CFAP20DC: variants seen among roughly 807,000 people sequenced by gnomAD.
CFAP20DC encodes protein CFAP20DC.
In CFAP20DC, 84 loss-of-function variants were observed where a neutral mutation model predicts 101.7. That is an observed-to-expected ratio of 0.83 (90% confidence interval 0.69 to 0.99). The LOEUF (loss-of-function observed/expected upper bound fraction) is 0.99. CFAP20DC is among the 50% of genes least tolerant of loss of function. The probability of loss-of-function intolerance (pLI) is 0.00; values close to 1 mark genes in which losing one functional copy is unlikely to be tolerated. For missense variants in CFAP20DC, 1,007 were observed against 970.3 expected (o/e 1.04, Z -0.50); for synonymous variants, 359 against 351.2 (o/e 1.02, Z -0.25).
chr3:58,783,124 A>G (rs2071992061), intron 15 of CFAP20DC, among the ~76,000 whole-genome samples: 1 of 152,066 alleles, frequency 6.6e-6, no homozygotes, highest in African/African-American at 2.4e-5. Flanking sequence ...AAATAAATCC[A>G]TATATTTAAT....
chr3:58,832,329 G>T (rs1002172520), intron 13 of CFAP20DC, among the ~76,000 whole-genome samples: 1 of 152,188 alleles, frequency 6.6e-6, no homozygotes, highest in African/African-American at 2.4e-5. Flanking sequence ...TGTTTCTGGA[G>T]TTGGCAGGTT....
chr3:58,814,526 G>A (rs795417), intron 14 of CFAP20DC, among the ~76,000 whole-genome samples: 7 of 151,272 alleles, frequency 4.6e-5, no homozygotes, highest in East Asian at 1.9e-4. Flanking sequence ...GCAGGAGAAG[G>A]AAATAAAGGG....
intron 3 of CFAP20DC, among the ~76,000 whole-genome samples, chr3:58,735,279 G>A (rs926332183): frequency 3.9e-5 from 6 of 152,178 alleles, no homozygotes; most frequent in East Asian, 1.9e-4. Flanking sequence ...ACCTGGGAAC[G>A]AAAATGAGTT....
chr3:58,724,099 C>T lies in CFAP20DC; in HGVS notation c.198-6471G>A, dbSNP rs1356102661. ...CCCTTTGAAAGGAGGGTGCTCCATG[C>T]TGTGGAGGGGCCTGGGGAATTCTCA... is the stretch of plus-strand genomic sequence containing the variant. On this transcript the variant is annotated intron_variant, in intron 3 of 3. Transcript: ENST00000486145. This position sits in a 1 kb window ranked among gnomAD's most constrained non-coding sequence, Gnocchi z 5.6. Among the ~76,000 whole-genome samples, 1 of 152,146 alleles carries T rather than the reference C, an allele frequency of 6.6e-6. No individual in the cohort carries two copies. The highest frequency in any genetic ancestry group is 1.5e-5 in the Non-Finnish European group (1 of 68,040).
intron 4 of CFAP20DC, among the ~76,000 whole-genome samples, chr3:58,944,884 A>G (rs1293720225): frequency 6.6e-6 from 1 of 152,182 alleles, no homozygotes; most frequent in East Asian, 1.9e-4. Flanking sequence ...AAATGTGTTA[A>G]TTCGTGTAAA....
intron 14 of CFAP20DC, among the ~76,000 whole-genome samples, chr3:58,821,355 G>T (rs1367087833): frequency 1.3e-5 from 2 of 151,856 alleles, no homozygotes; most frequent in African/African-American, 4.8e-5. Flanking sequence ...GAGTGAACAG[G>T]CAACCTACAA....
chr3:58,808,999 C>A (rs1298934751), intron 14 of CFAP20DC, among the ~76,000 whole-genome samples: 4 of 151,904 alleles, frequency 2.6e-5, no homozygotes, highest in Non-Finnish European at 5.9e-5. Flanking sequence ...GGGATGAATT[C>A]AACAAGAAGA....
At chr3:58,726,922 G>A (rs545431126) in intron 3 of CFAP20DC, 3 of 231,866 alleles carry the variant, frequency 1.3e-5, no homozygotes, top group South Asian at 3.9e-5. Context: ...AGATGAGAGC[G>A]ACCCATCCCT....
Position 58,817,869 on chromosome 3 carries a change from A to C in CFAP20DC, c.2176-11413T>G, listed in dbSNP as rs572943586. Among the ~76,000 whole-genome samples, 262 of 151,356 alleles carry C rather than the reference A, an allele frequency of 1.7e-3. 1 individual carries two copies. Among genetic ancestry groups the C allele is most frequent in the African/African-American group, 5.8e-3 (240 of 41,356 alleles). The stretch of plus-strand genomic sequence containing the variant: ...TCACCAAAGTTGAAATGAAGGAAAA[A>C]ATGTTAAGGGCAGCCAGAGAGAAAG... On this transcript the variant is annotated intron_variant, in intron 14 of 16. Transcript: ENST00000482387.
chr3:58,927,459 G>A (rs1198893196), intron 5 of CFAP20DC, among the ~76,000 whole-genome samples: 1 of 152,162 alleles, frequency 6.6e-6, no homozygotes, highest in Admixed American at 6.5e-5. Flanking sequence ...AGTACACAGA[G>A]GATTCAACTT....
chr3:59,038,307 A>C (rs4574318), intron 4 of CFAP20DC, among the ~76,000 whole-genome samples: 1,575 of 152,230 alleles, frequency 0.01, 29 homozygotes, highest in African/African-American at 0.036. Context: ...TCCCAAGCAA[A>C]AAGAAGAATG....
rs1175614996 is a variant in CFAP20DC at position 58,729,721 on chromosome 3, A to G, written c.198-12093T>C. 1.3e-5 allele frequency among the ~76,000 whole-genome samples: 2 copies of G among 152,114 alleles called. No homozygotes were observed. The highest frequency in any genetic ancestry group is 2.9e-5 in the Non-Finnish European group (2 of 68,010). ...CTGGTCTATACCAAATTAGTCTGCT[A>G]TTATTGAAAGTTGAGGCTGGGATCG... is the stretch of plus-strand genomic sequence containing the variant. On this transcript the variant is annotated intron_variant, in intron 3 of 3. Transcript: ENST00000486145. The surrounding 1 kb of genome is among the most constrained non-coding windows in gnomAD (Gnocchi z 4.4).
At chr3:59,026,829 G>C (rs549443859) in intron 4 of CFAP20DC, among the ~76,000 whole-genome samples, 253 of 152,186 alleles carry the variant, frequency 1.7e-3, no homozygotes, top group Non-Finnish European at 2.7e-3. Context: ...GTAACAGTAC[G>C]GAAAAAATAA....
chr3:58,762,937 C>G (rs550752840), intron 15 of CFAP20DC, among the ~76,000 whole-genome samples: 75 of 150,896 alleles, frequency 5.0e-4, no homozygotes, highest in Admixed American at 1.8e-3. Flanking sequence ...CCCTTTGTGG[C>G]TAACCTGACC....
chr3:58,719,175 A>G (rs936524238), intron 3 of CFAP20DC, among the ~76,000 whole-genome samples: 17 of 152,168 alleles, frequency 1.1e-4, no homozygotes, highest in Non-Finnish European at 5.9e-5. Flanking sequence ...CTGGGGAGGT[A>G]GAGACTGCAA....
At chr3:58,973,842 T>C (rs1040095894) in intron 4 of CFAP20DC, among the ~76,000 whole-genome samples, 1 of 152,082 alleles carries the variant, frequency 6.6e-6, no homozygotes, top group African/African-American at 2.4e-5. Flanking sequence ...GTCAGAGCAA[T>C]TGGATCCTTA....
chr3:58,720,756 A>G (rs1274426979), intron 3 of CFAP20DC, among the ~76,000 whole-genome samples: 1 of 152,184 alleles, frequency 6.6e-6, no homozygotes, highest in African/African-American at 2.4e-5. Flanking sequence ...AGTACTCTCC[A>G]TATTACATAC....
At chr3:59,024,007 A>G (rs1052670337) in intron 4 of CFAP20DC, among the ~76,000 whole-genome samples, 1 of 152,120 alleles carries the variant, frequency 6.6e-6, no homozygotes, top group Non-Finnish European at 1.5e-5. Context: ...GAGGGGATTC[A>G]GAAGTGTCTA....
At chr3:58,949,674 T>C (rs932156894) in intron 4 of CFAP20DC, among the ~76,000 whole-genome samples, 2 of 152,200 alleles carry the variant, frequency 1.3e-5, no homozygotes, top group South Asian at 4.2e-4. Flanking sequence ...AACCATATGA[T>C]TATCTCAATA....
Sources: gnomAD v4.1 joint callset for allele counts (sites outside exome capture counted in the v4.1 genomes callset) on GRCh38, gnomAD v4.1.1 for gene constraint, Gnocchi (gnomAD v3.1) non-coding constraint, MANE v1.5 for transcripts, NCBI Gene and HGNC (gene_info 2026-07-23, HGNC 2026-07-21) for gene names.